Variants in UAP1 observed in about 807,000 individuals in gnomAD.
UAP1 encodes the protein UDP-N-acetylglucosamine pyrophosphorylase 1.
UAP1 carries 25 observed loss-of-function variants against 58.5 expected under a neutral mutation model. The observed-to-expected ratio is 0.43, with a 90% CI of 0.31 to 0.60. UAP1 has a LOEUF of 0.60. Among genes scored for constraint, UAP1 ranks in the 20% least tolerant of loss-of-function variants. The pLI, the probability that UAP1 is intolerant of heterozygous loss-of-function variation, is 0.11. For synonymous variants in UAP1, 208 were observed against 213.0 expected, an observed-to-expected ratio of 0.98 and a Z score of 0.21; for missense variants, 575 against 630.0, an observed-to-expected ratio of 0.91 and a Z score of 0.93.
At chr1:162,572,604 G>C (rs538723132) in intron 2 of UAP1, among the ~76,000 whole-genome samples, 3 of 152,210 alleles carry the variant, frequency 2.0e-5, no homozygotes, top group East Asian at 1.9e-4. Flanking sequence ...TGAAGAAAAT[G>C]TACTGTATAA....
intron 7 of UAP1, 133 bp from the exon 8 acceptor site, chr1:162,590,190 G>A (rs1655212332): frequency 3.0e-6 from 2 of 672,522 alleles, no homozygotes; most frequent in African/African-American, 1.9e-5. Context: ...CCAAGGGTGA[G>A]CAATATTTTA....
chr1:162,589,129 ATAATTTATATATT>A (rs1458179753), intron 7 of UAP1, among the ~76,000 whole-genome samples: 5 of 112,878 alleles, frequency 4.4e-5, no homozygotes, highest in African/African-American at 1.8e-4. Flanking sequence ...TTTTATATAT[ATAATTTATATATT>A]TATATAATAT....
intron 10 of UAP1, 46 bp from the exon 11 acceptor site, chr1:162,599,225 C>T: frequency 1.0e-5 from 14 of 1,372,250 alleles, no homozygotes; most frequent in Non-Finnish European, 1.5e-5. Context: ...CACTGCATGA[C>T]AAGTGCAAAT....
chr1:162,581,578 C>T (rs762521811), intron 5 of UAP1, 119 bp downstream of exon 5: 9 of 1,064,284 alleles, frequency 8.5e-6, no homozygotes, highest in South Asian at 5.9e-5. Flanking sequence ...ATTTATCTCT[C>T]TAAAGTAACT....
chr1:162,565,475 T>C (rs1484783118), intron 1 of UAP1, among the ~76,000 whole-genome samples: 1 of 152,224 alleles, frequency 6.6e-6, no homozygotes, highest in African/African-American at 2.4e-5. Flanking sequence ...TGAAATGAAA[T>C]GTATTTTTCC....
chr1:162,577,435 C>CTTTT lies in UAP1; in HGVS notation c.485+482_485+485dup, dbSNP rs67627704. Among the ~76,000 whole-genome samples, 57 of 95,236 alleles carry CTTTT rather than the reference C, an allele frequency of 6.0e-4. 2 individuals carry two copies. Among genetic ancestry groups the CTTTT allele is most frequent in the Non-Finnish European group, 8.2e-4 (41 of 49,730 alleles). 62.5% of individuals were successfully genotyped at this position (95,236 alleles called of 152,430 possible). A position where few individuals can be genotyped will look rare whatever the true frequency, so the allele number is the denominator to read the frequency against. On this transcript the variant is annotated intron_variant, in intron 3 of 10. Transcript: ENST00000271469. ...ACCTTGGTCAGTGTTAGTTCCTTCC[C>CTTTT]TTTTTTTTTTTTTTTTTTTTTTTTT...
At chr1:162,578,563 A>G (rs945180473) in intron 3 of UAP1, among the ~76,000 whole-genome samples, 2 of 152,090 alleles carry the variant, frequency 1.3e-5, no homozygotes, top group African/African-American at 4.8e-5. Flanking sequence ...CTGGCCTCCT[A>G]CTATCATGTT....
chr1:162,588,498 A>AT lies in UAP1; in HGVS notation c.1029-186dup, dbSNP rs563035475. ...CAGTTTTAGTGGAGACTGTTATTTG[A>AT]TTTTTTTTTAAATATAAAGAGATGA... is the stretch of plus-strand genomic sequence containing the variant. On this transcript the variant is annotated intron_variant, in intron 6 of 10. Coordinates refer to ENST00000271469, the Ensembl canonical transcript of UAP1. 1.3e-3 allele frequency among the ~76,000 whole-genome samples: 190 copies of AT among 151,670 alleles called. 5 individuals carry two copies. In the South Asian group the frequency reaches 0.035, roughly 28 times the overall value.
At chr1:162,576,081 A>C (rs1332119323) in intron 2 of UAP1, among the ~76,000 whole-genome samples, 1 of 152,160 alleles carries the variant, frequency 6.6e-6, no homozygotes, top group African/African-American at 2.4e-5. Context: ...GTGATACCCC[A>C]AGCGCATTCT....
downstream of UAP1, among the ~76,000 whole-genome samples, chr1:162,600,623 G>T (rs1192482847): frequency 1.3e-5 from 2 of 151,636 alleles, no homozygotes; most frequent in East Asian, 3.9e-4. Flanking sequence ...CATTCATGGG[G>T]TGGGTCTTTT....
At chr1:162,586,817 G>A (rs1237724517) in intron 5 of UAP1, among the ~76,000 whole-genome samples, 1 of 152,074 alleles carries the variant, frequency 6.6e-6, no homozygotes, top group Admixed American at 6.6e-5. Context: ...CTGGTTTTCA[G>A]AATTATTTTT....
intron 2 of UAP1, among the ~76,000 whole-genome samples, chr1:162,569,077 T>C (rs1653701176): frequency 6.6e-6 from 1 of 152,228 alleles, no homozygotes; most frequent in Admixed American, 6.5e-5. Context: ...AAGGAGACTT[T>C]ATGTTGACAT....
intron 10 of UAP1, 61 bp from the exon 11 acceptor site, chr1:162,599,210 T>C (rs1471206064): frequency 3.6e-6 from 4 of 1,101,726 alleles, no homozygotes; most frequent in Non-Finnish European, 5.5e-6. Context: ...TTATAGCAAG[T>C]CCAGCACTGC....
intron 1 of UAP1, 137 bp from the exon 2 acceptor site, chr1:162,565,875 A>T (rs1416421502): frequency 3.3e-6 from 2 of 597,942 alleles, no homozygotes; most frequent in Non-Finnish European, 5.8e-6. Flanking sequence ...TTGATCTCTT[A>T]CAAATATTGA....
chr1:162,562,942 TATTTAA>T (rs1431768385), intron 1 of UAP1, among the ~76,000 whole-genome samples: 1 of 152,202 alleles, frequency 6.6e-6, no homozygotes, highest in Non-Finnish European at 1.5e-5. Flanking sequence ...TTAATACTGG[TATTTAA>T]ATTCTAATAA....
intron 9 of UAP1, among the ~76,000 whole-genome samples, chr1:162,595,918 C>T (rs1384234004): frequency 6.6e-6 from 1 of 152,138 alleles, no homozygotes; most frequent in Non-Finnish European, 1.5e-5. Context: ...GTGGAGCGAT[C>T]TCAGCTCATT....
intron 8 of UAP1, among the ~76,000 whole-genome samples, chr1:162,591,197 T>TA (rs1655289774): frequency 2.0e-5 from 3 of 152,152 alleles, no homozygotes; most frequent in Non-Finnish European, 4.4e-5. Flanking sequence ...AATGCTGGGA[T>TA]TACAGGTGTG....
At chr1:162,563,093 C>T (rs1653261671) in intron 1 of UAP1, among the ~76,000 whole-genome samples, 1 of 152,086 alleles carries the variant, frequency 6.6e-6, no homozygotes, top group African/African-American at 2.4e-5. Context: ...TTTCGGTTGT[C>T]AAAATAAAAA....
exon 8 of UAP1, chr1:162,590,337 A>G: frequency 6.2e-7 from 1 of 1,612,096 alleles, no homozygotes; most frequent in Non-Finnish European, 8.5e-7. Flanking sequence ...TTTGTGGTAT[A>G]TGAAGTATTG....
Sources: gnomAD v4.1 joint callset for allele counts (sites outside exome capture counted in the v4.1 genomes callset) on GRCh38, gnomAD v4.1.1 for gene constraint, MANE v1.5 for transcripts, NCBI Gene and HGNC (gene_info 2026-07-23, HGNC 2026-07-21) for gene names.